The following WWTR1 variants were observed in gnomAD, a reference collection of about 807,000 sequenced individuals.
WWTR1 encodes the protein WW domain containing transcription regulator 1.
Under a neutral mutation model 40.1 loss-of-function variants are expected in WWTR1, and 13 were observed. The ratio of observed to expected loss-of-function variants is 0.32; its 90% confidence interval spans 0.21 to 0.52. WWTR1 has a LOEUF of 0.52. WWTR1 is among the 20% of genes least tolerant of loss of function. WWTR1 has a pLI of 0.97. For missense variants in WWTR1, 436 were observed against 523.1 expected (o/e 0.83, Z 1.63); for synonymous variants, 230 against 210.1 (o/e 1.09, Z -0.82).
At chr3:149,659,396 C>T (rs1332853115), upstream of WWTR1, 4 of 136,850 alleles carry the variant, frequency 2.9e-5, no homozygotes, top group Non-Finnish European at 6.1e-5. Flanking sequence ...GCAATAGCTC[C>T]ATCTCAGCTC....
At chr3:149,542,596 T>C (rs535131803) in intron 3 of WWTR1, 59 bp from the exon 4 acceptor site, 11 of 1,497,180 alleles carry the variant, frequency 7.3e-6, no homozygotes, top group African/African-American at 4.2e-5. Flanking sequence ...TTATCAAAAA[T>C]AGACCATCAG....
intron 2 of WWTR1, among the ~76,000 whole-genome samples, chr3:149,575,095 C>G (rs1193190358): frequency 6.7e-6 from 1 of 149,502 alleles, no homozygotes; most frequent in Non-Finnish European, 1.5e-5. Flanking sequence ...CTCCATCCCC[C>G]CCAAAAAAAA....
At chr3:149,617,328 A>T (rs1740023498) in intron 2 of WWTR1, among the ~76,000 whole-genome samples, 1 of 152,116 alleles carries the variant, frequency 6.6e-6, no homozygotes, top group Non-Finnish European at 1.5e-5. Context: ...TTCTGTCCCC[A>T]TCTCTCTCCA....
At chr3:149,680,475 C>T (rs1321205901) in intron 1 of WWTR1, among the ~76,000 whole-genome samples, 9 of 152,140 alleles carry the variant, frequency 5.9e-5, no homozygotes, top group Middle Eastern at 3.4e-3. Context: ...ACCCAGGAGG[C>T]GGAGGTTGCA....
chr3:149,695,563 T>G (rs9870436), intron 1 of WWTR1, among the ~76,000 whole-genome samples: 50,131 of 150,186 alleles, frequency 0.33, 9,158 homozygotes, highest in Middle Eastern at 0.55. Context: ...GAGTTTGAGA[T>G]CAGCCTGGCC....
intron 2 of WWTR1, among the ~76,000 whole-genome samples, chr3:149,618,871 C>A (rs1215646581): frequency 1.3e-5 from 2 of 152,142 alleles, no homozygotes; most frequent in Admixed American, 6.5e-5. Context: ...CTCCTCCCCC[C>A]TCCCCACCAC....
chr3:149,573,711 A>T (rs1737753662), intron 2 of WWTR1, among the ~76,000 whole-genome samples: 1 of 152,186 alleles, frequency 6.6e-6, no homozygotes, highest in Non-Finnish European at 1.5e-5. Context: ...AGAAGACATG[A>T]TTACATGTTT....
At chr3:149,663,617 AC>A (rs1446474033) in intron 2 of WWTR1, among the ~76,000 whole-genome samples, 2 of 151,796 alleles carry the variant, frequency 1.3e-5, no homozygotes, top group African/African-American at 2.4e-5. Context: ...AATTGCTTGA[AC>A]CCAGGAGGCG....
intron 2 of WWTR1, among the ~76,000 whole-genome samples, chr3:149,631,177 C>T (rs898656293): frequency 6.6e-5 from 10 of 152,164 alleles, no homozygotes; most frequent in Non-Finnish European, 1.5e-4. Flanking sequence ...TCAAATTTCT[C>T]GACCTCCTAC....
At chr3:149,591,024 G>A (rs892564609) in intron 2 of WWTR1, among the ~76,000 whole-genome samples, 8 of 149,584 alleles carry the variant, frequency 5.3e-5, no homozygotes, top group Non-Finnish European at 1.2e-4. Flanking sequence ...TAACACCCTG[G>A]TTTTAATTAG....
At chr3:149,683,999 T>C (rs1237472664) in intron 1 of WWTR1, among the ~76,000 whole-genome samples, 2 of 152,230 alleles carry the variant, frequency 1.3e-5, no homozygotes, top group Admixed American at 1.3e-4. Flanking sequence ...ATTGTTGTTT[T>C]GTTCATAATA....
intron 2 of WWTR1, among the ~76,000 whole-genome samples, chr3:149,639,481 T>C (rs531497501): frequency 5.1e-4 from 78 of 152,290 alleles, no homozygotes; most frequent in African/African-American, 1.9e-3. Flanking sequence ...GTTCTGGGAT[T>C]ATAAGTGTGA....
chr3:149,631,101 A>G (rs1711534747), intron 2 of WWTR1, among the ~76,000 whole-genome samples: 1 of 152,192 alleles, frequency 6.6e-6, no homozygotes, highest in Admixed American at 6.5e-5. Context: ...GCCAGGCAAG[A>G]GCTGTCCCCA....
At chr3:149,634,821 G>A (rs995713381) in intron 2 of WWTR1, among the ~76,000 whole-genome samples, 6 of 152,302 alleles carry the variant, frequency 3.9e-5, no homozygotes, top group African/African-American at 1.4e-4. Context: ...CAACCACTGA[G>A]CCTCTTCCCT....
chr3:149,624,281 T>C (rs1381225994), intron 2 of WWTR1, among the ~76,000 whole-genome samples: 2 of 152,192 alleles, frequency 1.3e-5, no homozygotes, highest in Admixed American at 6.5e-5. Context: ...CCAACCTTCC[T>C]GAGGCCATAT....
intron 3 of WWTR1, among the ~76,000 whole-genome samples, chr3:149,558,246 T>G (rs973354309): frequency 6.6e-6 from 1 of 151,972 alleles, no homozygotes; most frequent in African/African-American, 2.4e-5. Context: ...GTCAACTGCT[T>G]GTGACTCTAA....
intron 6 of WWTR1, 66 bp downstream of exon 6, chr3:149,525,947 A>C (rs777572496): frequency 4.6e-6 from 4 of 866,320 alleles, no homozygotes; most frequent in Non-Finnish European, 6.8e-6. Context: ...AATAAAATTG[A>C]GATAACCGAA....
chr3:149,639,872 T>C (rs1052986163), intron 2 of WWTR1, among the ~76,000 whole-genome samples: 3 of 151,650 alleles, frequency 2.0e-5, no homozygotes, highest in Admixed American at 6.6e-5. Flanking sequence ...TGGGCACTTG[T>C]AGTCCCAGCT....
rs1560107714 is a variant in WWTR1, at chr3:149,657,903, C to A, written c.-142G>T. 1 of 153,304 alleles carries A rather than the reference C, an allele frequency of 6.5e-6. No individual in the cohort carries two copies. The highest frequency in any genetic ancestry group is 2.4e-5 in the African/African-American group (1 of 41,466). The allele number at this position is 153,304 out of a possible 1,614,324, so 9.5% of individuals were successfully genotyped here. A position where few individuals can be genotyped will look rare whatever the true frequency, so the allele number is the denominator to read the frequency against. ...GCTTGGCTGACAAATCCCGACCCGACTCTGTGCCTGGCAGTCTAAGGGCTT... is the reference window on the plus strand; with the variant it reads ...GCTTGGCTGACAAATCCCGACCCGAATCTGTGCCTGGCAGTCTAAGGGCTT... On this transcript the variant is annotated 5_prime_UTR_variant, in exon 1 of 7. Coordinates refer to ENST00000360632, the MANE Select transcript of WWTR1 (RefSeq NM_015472.6).
Sources: gnomAD v4.1 joint callset for allele counts (sites outside exome capture counted in the v4.1 genomes callset) on GRCh38, gnomAD v4.1.1 for gene constraint, MANE v1.5 for transcripts, NCBI Gene and HGNC (gene_info 2026-07-23, HGNC 2026-07-21) for gene names.